The following SLC44A5 variants were observed in gnomAD, a reference collection of about 807,000 sequenced individuals.
SLC44A5 encodes the protein choline transporter-like protein 5.
SLC44A5 carries 57 observed loss-of-function variants against 101.8 expected under a neutral mutation model. The observed-to-expected ratio is 0.56, with a 90% CI of 0.45 to 0.70. The LOEUF (loss-of-function observed/expected upper bound fraction) is 0.70. SLC44A5 is among the 30% of genes least tolerant of loss of function. The pLI is 0.00. For synonymous variants in SLC44A5, 281 were observed against 290.9 expected (o/e 0.97, Z 0.35); for missense variants, 737 against 853.1 (o/e 0.86, Z 1.70).
chr1:75,666,197 T>G, the SLC44A5 span, among the ~76,000 whole-genome samples: 1 of 152,080 alleles, frequency 6.6e-6, no homozygotes, highest in Non-Finnish European at 1.5e-5. Context: ...ACTATCACAA[T>G]AGCAAAGACA....
intron 2 of SLC44A5, among the ~76,000 whole-genome samples, chr1:75,427,008 T>G (rs752802839): frequency 5.3e-5 from 8 of 152,172 alleles, no homozygotes; most frequent in Non-Finnish European, 1.2e-4. Flanking sequence ...TGCCTCTTTT[T>G]GGGGCTCATT....
chr1:75,723,601 G>A, the SLC44A5 span: 1 of 152,154 alleles, frequency 6.6e-6, no homozygotes, highest in African/African-American at 2.4e-5. Flanking sequence ...ATAAGAAATT[G>A]GAACAAAGGA....
intron 2 of SLC44A5, among the ~76,000 whole-genome samples, chr1:75,526,737 C>T (rs1361196816): frequency 6.6e-6 from 1 of 152,112 alleles, no homozygotes; most frequent in Non-Finnish European, 1.5e-5. Flanking sequence ...ATTGGTGTTC[C>T]CTTAGGAAAT....
intron 2 of SLC44A5, among the ~76,000 whole-genome samples, chr1:75,433,151 C>G (rs1055962255): frequency 1.3e-5 from 2 of 152,114 alleles, no homozygotes; most frequent in African/African-American, 2.4e-5. Context: ...CATGTCTCCC[C>G]CTTCTCCTCA....
chr1:75,303,195 A>G (rs939729812), intron 4 of SLC44A5, among the ~76,000 whole-genome samples: 3 of 152,160 alleles, frequency 2.0e-5, no homozygotes, highest in African/African-American at 7.2e-5. Flanking sequence ...AACAGAGCAC[A>G]AGGACAGAAG....
rs1570429306 is a variant in SLC44A5, at chr1:75,234,082, T to C, written c.757A>G (p.Met253Val). The C allele has an allele frequency of 3.1e-6, 5 of 1,613,164 alleles. No individual in the cohort carries two copies. Among genetic ancestry groups the C allele is most frequent in the African/African-American group, 1.3e-5 (1 of 74,956 alleles). ...ATCAAAAATATCCAACTAAGGACCA[T>C]GGCAATCGTCAGGCCACTAGAAAAA... ...YWILIGLTIA[M>V]VLSWIFLILL... Residue 253 changes from methionine (M) to valine (V), a missense_variant, in exon 12 of 24, where the codon ATG (methionine) becomes GTG (valine). Transcript: ENST00000370859.
intron 3 of SLC44A5, among the ~76,000 whole-genome samples, chr1:75,383,984 TA>T (rs987647193): frequency 4.0e-5 from 6 of 151,622 alleles, no homozygotes; most frequent in Non-Finnish European, 7.4e-5. Context: ...AGAAATAAAA[TA>T]CTTTACAGAC....
chr1:75,261,271 G>A (rs2100690752), intron 6 of SLC44A5, among the ~76,000 whole-genome samples: 1 of 152,126 alleles, frequency 6.6e-6, no homozygotes, highest in South Asian at 2.1e-4. Flanking sequence ...TAGTCAGCTA[G>A]CGAGAGTAAT....
chr1:75,499,506 T>G lies in SLC44A5; in HGVS notation c.13+41929A>C, dbSNP rs530085110. 1.6e-3 allele frequency among the ~76,000 whole-genome samples: 238 copies of G among 152,048 alleles called. 1 individual carries two copies. Among genetic ancestry groups the G allele is most frequent in the Non-Finnish European group, 2.1e-3 (141 of 67,972 alleles). On this transcript the variant is annotated intron_variant, in intron 2 of 23. Transcript: ENST00000370859. Reference sequence around the variant, plus strand: ...CCAGTACTGGTCCATGGTTCGGGGGTTGGGGAACCCTGCTCTAAGGTGTTC... The same window carrying G: ...CCAGTACTGGTCCATGGTTCGGGGGGTGGGGAACCCTGCTCTAAGGTGTTC...
chr1:75,453,566 T>C (rs561952058), intron 2 of SLC44A5, among the ~76,000 whole-genome samples: 2 of 151,936 alleles, frequency 1.3e-5, no homozygotes, highest in African/African-American at 4.8e-5. Context: ...TGAGACCCAA[T>C]TGAGACCCTT....
At chr1:75,707,489 C>T in the SLC44A5 span, among the ~76,000 whole-genome samples, 2 of 152,184 alleles carry the variant, frequency 1.3e-5, no homozygotes, top group African/African-American at 2.4e-5. Context: ...CTTGTACCTA[C>T]TCCTTGACCT....
At chr1:75,721,257 G>T in the SLC44A5 span, among the ~76,000 whole-genome samples, 1 of 152,132 alleles carries the variant, frequency 6.6e-6, no homozygotes. Context: ...GGGGAATTTA[G>T]AATTTTGTTT....
At chr1:75,522,404 T>C (rs1670181255) in intron 2 of SLC44A5, among the ~76,000 whole-genome samples, 1 of 152,104 alleles carries the variant, frequency 6.6e-6, no homozygotes, top group African/African-American at 2.4e-5. Context: ...AATCCCTGTA[T>C]TTGGGATCCA....
At chr1:75,354,015 C>T (rs527447880) in intron 3 of SLC44A5, 17 of 348,522 alleles carry the variant, frequency 4.9e-5, no homozygotes, top group South Asian at 3.9e-4. Context: ...AACACATGAC[C>T]TTTCACTCAC....
At chr1:75,594,722 A>G (rs2102123768) in intron 1 of SLC44A5, among the ~76,000 whole-genome samples, 1 of 152,010 alleles carries the variant, frequency 6.6e-6, no homozygotes, top group South Asian at 2.1e-4. Flanking sequence ...AAGTTTTTAT[A>G]CCTTGGAAGA....
chr1:75,424,231 G>C (rs553542078), intron 2 of SLC44A5, among the ~76,000 whole-genome samples: 2 of 152,278 alleles, frequency 1.3e-5, no homozygotes, highest in South Asian at 4.1e-4. Context: ...ACAAAGATCT[G>C]CCTACACACC....
At chr1:75,558,015 A>T (rs1278700500) in intron 1 of SLC44A5, among the ~76,000 whole-genome samples, 1 of 152,152 alleles carries the variant, frequency 6.6e-6, no homozygotes, top group Non-Finnish European at 1.5e-5. Flanking sequence ...CACACATTGT[A>T]CTGGGTTCAG....
upstream of SLC44A5, among the ~76,000 whole-genome samples, chr1:75,615,436 T>TAC (rs56337760): frequency 0.027 from 3,654 of 133,478 alleles, 100 homozygotes; most frequent in African/African-American, 0.062. Flanking sequence ...CACACATACA[T>TAC]ACACACACAC....
chr1:75,214,192 G>GGGCT (rs1646916288), intron 20 of SLC44A5, among the ~76,000 whole-genome samples: 1 of 152,034 alleles, frequency 6.6e-6, no homozygotes, highest in South Asian at 2.1e-4. Flanking sequence ...TGGCATTGTA[G>GGGCT]GGCTGTCAGG....
Sources: gnomAD v4.1 joint callset for allele counts (sites outside exome capture counted in the v4.1 genomes callset) on GRCh38, gnomAD v4.1.1 for gene constraint, MANE v1.5 for transcripts, NCBI Gene and HGNC (gene_info 2026-07-23, HGNC 2026-07-21) for gene names.